The following IMMP2L variants were observed in gnomAD, a reference collection of about 807,000 sequenced individuals.
IMMP2L encodes mitochondrial inner membrane protease subunit 2.
Under a neutral mutation model 19.3 loss-of-function variants are expected in IMMP2L, and 18 were observed. The observed-to-expected ratio is 0.93, with a 90% CI of 0.64 to 1.38. IMMP2L has a LOEUF of 1.38. Ranked by LOEUF, IMMP2L falls within the 40% of genes most tolerant of loss-of-function variation. IMMP2L has a pLI of 0.00. For missense variants in IMMP2L, 233 were observed against 218.2 expected, an observed-to-expected ratio of 1.07 and a Z score of -0.43; for synonymous variants, 76 against 73.0, an observed-to-expected ratio of 1.04 and a Z score of -0.21.
Position 111,227,957 on chromosome 7 carries a change from T to G in IMMP2L, c.239+259281A>C, listed in dbSNP as rs1022654113. The stretch of plus-strand genomic sequence containing the variant: ...TCTGTTGTCTCATTAGTTGTATTTG[T>G]TACAGAACCTAATATGACAAGTTTT... On this transcript the variant is annotated intron_variant, in intron 3 of 5. Coordinates refer to ENST00000405709, the MANE Select transcript of IMMP2L (RefSeq NM_032549.4). Among the ~76,000 whole-genome samples, 14 of 152,112 alleles carry G rather than the reference T, an allele frequency of 9.2e-5. 1 individual carries two copies. The highest frequency in any genetic ancestry group is 2.7e-4 in the African/African-American group (11 of 41,432).
chr7:111,448,084 C>T (rs1467591021), intron 3 of IMMP2L, among the ~76,000 whole-genome samples: 1 of 143,496 alleles, frequency 7.0e-6, no homozygotes, highest in African/African-American at 2.9e-5. Flanking sequence ...TACAAAGAGA[C>T]TTAGACTCCC....
intron 3 of IMMP2L, among the ~76,000 whole-genome samples, chr7:111,254,309 A>G (rs948981772): frequency 1.3e-4 from 20 of 152,098 alleles, no homozygotes; most frequent in Admixed American, 1.2e-3. Flanking sequence ...ATGATCCTAA[A>G]AACTCTGGAA....
rs761798162 is a variant in IMMP2L, at chr7:111,123,463, G to T, written c.240-159898C>A. The T allele has an allele frequency of 3.1e-6, 5 of 1,613,582 alleles. No individual in the cohort carries two copies. Among genetic ancestry groups the T allele is most frequent in the African/African-American group, 1.3e-5 (1 of 74,858 alleles). On this transcript the variant is annotated intron_variant, in intron 3 of 5. Transcript: ENST00000405709. The surrounding 1 kb of genome is among the most constrained non-coding windows in gnomAD (Gnocchi z 6.4). ...AAACCTCACAGAAATACCAGATAAC[G>T]CCTTGGTTGGACTGGAAAACTTAGA...
At chr7:111,478,838 T>C (rs755967352) in intron 3 of IMMP2L, among the ~76,000 whole-genome samples, 5 of 152,174 alleles carry the variant, frequency 3.3e-5, no homozygotes, top group Non-Finnish European at 5.9e-5. Context: ...GCTTCTAATA[T>C]GCATGGTATA....
At chr7:111,346,041 G>C (rs1270161558) in intron 3 of IMMP2L, among the ~76,000 whole-genome samples, 1 of 152,096 alleles carries the variant, frequency 6.6e-6, no homozygotes, top group Admixed American at 6.6e-5. Context: ...ATAACATTGG[G>C]TTATTTCAAT....
intron 3 of IMMP2L, among the ~76,000 whole-genome samples, chr7:111,197,320 G>C (rs555081142): frequency 6.6e-6 from 1 of 151,942 alleles, no homozygotes; most frequent in East Asian, 1.9e-4. Context: ...AAAATTAGCC[G>C]GGCGTGGTGG....
chr7:111,450,879 C>G (rs1286728122), intron 3 of IMMP2L, among the ~76,000 whole-genome samples: 1 of 150,914 alleles, frequency 6.6e-6, no homozygotes, highest in African/African-American at 2.4e-5. Context: ...AACAAACAAC[C>G]CCATCAAAAA....
At chr7:110,907,588 A>T (rs974659881) in intron 4 of IMMP2L, among the ~76,000 whole-genome samples, 1 of 152,102 alleles carries the variant, frequency 6.6e-6, no homozygotes, top group Admixed American at 6.6e-5. Flanking sequence ...GGGCTGTGGT[A>T]TCAGGCTTTG....
chr7:111,493,804 G>A (rs985795478), intron 2 of IMMP2L, among the ~76,000 whole-genome samples: 5 of 151,042 alleles, frequency 3.3e-5, no homozygotes, highest in South Asian at 2.1e-4. Flanking sequence ...TCAGGAGATC[G>A]AGATCATCCT....
Position 111,213,603 on chromosome 7 carries a change from C to T in IMMP2L, c.240-250038G>A, listed in dbSNP as rs1811571169. ...GGACAAACTGGTGCACACTTCCTCC[C>T]CTCTGAGGCCCACAAGAACCCCAGA... On this transcript the variant is annotated intron_variant, in intron 3 of 5. Transcript: ENST00000405709. The surrounding 1 kb of genome is among the most constrained non-coding windows in gnomAD (Gnocchi z 4.8). Among the ~76,000 whole-genome samples, 2 of 152,166 alleles carry T rather than the reference C, an allele frequency of 1.3e-5. No homozygotes were observed. Among genetic ancestry groups the T allele is most frequent in the South Asian group, 4.1e-4 (2 of 4,830 alleles).
At chr7:110,737,836 TGCTGGTATCCACA>T (rs1796738551) in intron 5 of IMMP2L, among the ~76,000 whole-genome samples, 1 of 151,690 alleles carries the variant, frequency 6.6e-6, no homozygotes, top group South Asian at 2.1e-4. Flanking sequence ...CGAGAGCAGG[TGCTGGTATCCACA>T]GCTGCAAGAC....
At chr7:111,124,869 T>C (rs1801111405) in intron 3 of IMMP2L, 1 of 1,602,922 alleles carries the variant, frequency 6.2e-7, no homozygotes, top group African/African-American at 1.4e-5. Flanking sequence ...TAAAAGCAAC[T>C]GTTATAGGTT....
At chr7:111,547,299 A>T (rs1243640426) in intron 1 of IMMP2L, among the ~76,000 whole-genome samples, 1 of 152,166 alleles carries the variant, frequency 6.6e-6, no homozygotes, top group East Asian at 1.9e-4. Context: ...TCCTTAACTG[A>T]GGGCTTGGAA....
intron 3 of IMMP2L, among the ~76,000 whole-genome samples, chr7:111,174,288 A>T (rs920465150): frequency 6.6e-6 from 1 of 151,732 alleles, no homozygotes; most frequent in Non-Finnish European, 1.5e-5. Context: ...CAGGCAAGGC[A>T]GGTAATACAA....
intron 3 of IMMP2L, among the ~76,000 whole-genome samples, chr7:110,983,925 A>G (rs988262537): frequency 4.6e-5 from 7 of 151,996 alleles, no homozygotes. Context: ...CCAAAATAGC[A>G]CATGTATGGG....
At chr7:110,702,791 T>A (rs1479557948) in intron 5 of IMMP2L, among the ~76,000 whole-genome samples, 1 of 152,106 alleles carries the variant, frequency 6.6e-6, no homozygotes, top group African/African-American at 2.4e-5. Context: ...AACTTACATA[T>A]TAGTTCTAGT....
chr7:111,521,148 T>C (rs1198417998), intron 2 of IMMP2L, among the ~76,000 whole-genome samples, 165 bp downstream of exon 2: 1 of 152,118 alleles, frequency 6.6e-6, no homozygotes, highest in Non-Finnish European at 1.5e-5. Context: ...AATACGACTG[T>C]ATTAGAAGAC....
At chr7:111,002,551 G>T (rs1005155486) in intron 3 of IMMP2L, among the ~76,000 whole-genome samples, 5 of 152,162 alleles carry the variant, frequency 3.3e-5, no homozygotes, top group African/African-American at 1.2e-4. Flanking sequence ...GTTCTTGAAG[G>T]CCTGTCAGAG....
intron 3 of IMMP2L, among the ~76,000 whole-genome samples, chr7:111,118,631 A>G (rs1800182999): frequency 6.6e-6 from 1 of 152,138 alleles, no homozygotes; most frequent in Admixed American, 6.6e-5. Flanking sequence ...AATAATGAAT[A>G]AGAAAAGGCT....
Sources: allele counts gnomAD v4.1 joint callset (sites outside exome capture counted in the v4.1 genomes callset), GRCh38; gene constraint gnomAD v4.1.1; non-coding constraint Gnocchi (gnomAD v3.1); transcripts MANE v1.5; gene names NCBI Gene and HGNC (gene_info 2026-07-23, HGNC 2026-07-21).